Variants in RFTN1 observed in about 807,000 individuals in gnomAD.
RFTN1 encodes the protein raftlin.
Under a neutral mutation model 46.5 loss-of-function variants are expected in RFTN1, and 26 were observed. That is an observed-to-expected ratio of 0.56 (90% CI 0.41 to 0.78). The LOEUF (loss-of-function observed/expected upper bound fraction) is 0.78. RFTN1 is among the 30% of genes least tolerant of loss of function. The pLI is 0.00. For synonymous variants in RFTN1, 261 were observed against 284.2 expected (o/e 0.92, Z 0.82); for missense variants, 693 against 718.7 (o/e 0.96, Z 0.41).
chr3:16,476,233 C>A (rs2076280041), intron 2 of RFTN1, among the ~76,000 whole-genome samples: 1 of 152,170 alleles, frequency 6.6e-6, no homozygotes, highest in Non-Finnish European at 1.5e-5. Context: ...GTCAATATAC[C>A]TTTACAGAAA....
At position 16,452,083 on chromosome 3, in the gene RFTN1, T is replaced by C. The variant is rs1211816468; in HGVS notation, c.146-18046A>G. Among the ~76,000 whole-genome samples, 1 of 152,222 alleles carries C rather than the reference T, an allele frequency of 6.6e-6. No individual in the cohort carries two copies. The highest frequency in any genetic ancestry group is 1.5e-5 in the Non-Finnish European group (1 of 68,046). ...AGCAGGATGGCACGAGATTTCACCA[T>C]GCTACTCAGAATAGTGAGTAATTGA... On this transcript the variant is annotated intron_variant, in intron 2 of 9. Coordinates refer to ENST00000334133, the MANE Select transcript of RFTN1 (RefSeq NM_015150.2). This position sits in a 1 kb window ranked among gnomAD's most constrained non-coding sequence, Gnocchi z 6.3.
At chr3:16,439,529 A>G (rs971678866) in intron 2 of RFTN1, among the ~76,000 whole-genome samples, 2 of 152,250 alleles carry the variant, frequency 1.3e-5, no homozygotes, top group African/African-American at 2.4e-5. Flanking sequence ...AAATGCAATA[A>G]TTTTATTATT....
At chr3:16,391,869 G>GTTTTTTTTT (rs576052890) in intron 4 of RFTN1, among the ~76,000 whole-genome samples, 3 of 57,782 alleles carry the variant, frequency 5.2e-5, no homozygotes, top group South Asian at 8.8e-4. Context: ...TTTTTTTTTT[G>GTTTTTTTTT]TTTTTTTTTT....
In RFTN1 at chr3:16,509,779, C is replaced by G. The variant is rs186711249; in HGVS notation, c.-9+3663G>C. ...TCACCCAGATGGGTATCACGAGTCA[C>G]GAAATCACTCAGCCAATGTTTACTG... On this transcript the variant is annotated intron_variant, in intron 1 of 9. Coordinates refer to ENST00000334133, the MANE Select transcript of RFTN1 (RefSeq NM_015150.2). The surrounding 1 kb of genome is among the most constrained non-coding windows in gnomAD (Gnocchi z 4.9). 5.3e-4 allele frequency among the ~76,000 whole-genome samples: 80 copies of G among 152,256 alleles called. No individual in the cohort carries two copies. Among genetic ancestry groups the G allele is most frequent in the African/African-American group, 1.9e-3 (77 of 41,538 alleles).
At chr3:16,430,092 A>C (rs1369505443) in intron 3 of RFTN1, among the ~76,000 whole-genome samples, 1 of 151,346 alleles carries the variant, frequency 6.6e-6, no homozygotes, top group Non-Finnish European at 1.5e-5. Context: ...CCTATTGATA[A>C]AGAAAAAGTC....
In RFTN1 at chr3:16,468,531, T is replaced by C. The variant is rs940892905; in HGVS notation, c.145+25194A>G. Among the ~76,000 whole-genome samples, 1 of 151,840 alleles carries C rather than the reference T, an allele frequency of 6.6e-6. No homozygotes were observed. Among genetic ancestry groups the C allele is most frequent in the African/African-American group, 2.4e-5 (1 of 41,314 alleles). ...AAGATGCCTTTTCATATCTTTGCTA[T>C]CTTTAGATTAGATGCTTAATGCATA... On this transcript the variant is annotated intron_variant, in intron 2 of 9. Transcript: ENST00000334133. The surrounding 1 kb of genome is among the most constrained non-coding windows in gnomAD (Gnocchi z 4.4).
At chr3:16,463,179 T>G (rs887627317) in intron 2 of RFTN1, among the ~76,000 whole-genome samples, 1 of 152,246 alleles carries the variant, frequency 6.6e-6, no homozygotes, top group African/African-American at 2.4e-5. Context: ...CTTGAATCTA[T>G]GGGTTGATCT....
chr3:16,408,377 A>G (rs1207403724), intron 4 of RFTN1, among the ~76,000 whole-genome samples: 1 of 152,082 alleles, frequency 6.6e-6, no homozygotes, highest in Non-Finnish European at 1.5e-5. Context: ...TCCTGGCTCA[A>G]AGCTGACAGC....
In RFTN1 at chr3:16,412,972, C is replaced by T. The variant is rs1022673927; in HGVS notation, c.333-3489G>A. 1.2e-4 allele frequency among the ~76,000 whole-genome samples: 19 copies of T among 152,310 alleles called. No individual in the cohort carries two copies. The South Asian group carries it at 2.1e-3, about 17-fold the overall frequency. On this transcript the variant is annotated intron_variant, in intron 3 of 9. Transcript: ENST00000334133. ...CTGATGAGACTGCAGCCTGAGCCAA[C>T]ACTGATATTACAGCCTGATAAAATT...
At chr3:16,486,499 T>G (rs1318784007) in intron 2 of RFTN1, among the ~76,000 whole-genome samples, 1 of 152,244 alleles carries the variant, frequency 6.6e-6, no homozygotes, top group East Asian at 1.9e-4. Context: ...CTCCGTGTTT[T>G]GATCCCTCCC....
rs779052661 is a variant in RFTN1, at chr3:16,506,073, T to C, written c.-9+7369A>G. ...TACACAAAATCCCATTTTTAAAGTA[T>C]GCCAACTAGAAAACAACAATGCAGG... On this transcript the variant is annotated intron_variant, in intron 1 of 9. Coordinates refer to ENST00000334133, the MANE Select transcript of RFTN1 (RefSeq NM_015150.2). This position sits in a 1 kb window ranked among gnomAD's most constrained non-coding sequence, Gnocchi z 4.8. Among the ~76,000 whole-genome samples the C allele has an allele frequency of 1.1e-4, 17 of 152,206 alleles. No homozygotes were observed. Among genetic ancestry groups the C allele is most frequent in the South Asian group, 2.1e-4 (1 of 4,830 alleles).
intron 2 of RFTN1, among the ~76,000 whole-genome samples, chr3:16,491,003 C>T (rs541613096): frequency 1.3e-5 from 2 of 152,208 alleles, no homozygotes; most frequent in African/African-American, 4.8e-5. Context: ...AGAGAAAATC[C>T]CTGCACTCAT....
intron 5 of RFTN1, among the ~76,000 whole-genome samples, chr3:16,372,083 G>A (rs1279635927): frequency 6.6e-6 from 1 of 152,114 alleles, no homozygotes; most frequent in Non-Finnish European, 1.5e-5. Flanking sequence ...TGAGTTCTTG[G>A]GTTTATTTGG....
intron 4 of RFTN1, among the ~76,000 whole-genome samples, chr3:16,403,716 TAATA>T (rs1482922390): frequency 1.4e-4 from 4 of 28,348 alleles, no homozygotes; most frequent in Admixed American, 7.2e-4. Context: ...ATATAATATA[TAATA>T]TATATATTAT....
rs567775122 is a variant in RFTN1, at chr3:16,374,868, C to A, written c.826+2850G>T. Among the ~76,000 whole-genome samples the A allele has an allele frequency of 1.3e-5, 2 of 152,288 alleles. No homozygotes were observed. Among genetic ancestry groups the A allele is most frequent in the East Asian group, 3.9e-4 (2 of 5,170 alleles). On this transcript the variant is annotated intron_variant, in intron 5 of 9. Coordinates refer to ENST00000334133, the MANE Select transcript of RFTN1 (RefSeq NM_015150.2). The surrounding 1 kb of genome is among the most constrained non-coding windows in gnomAD (Gnocchi z 5.4). ...ACCCACGGCGGGCCTCCCCAAGAACCTGCAGGGGCAAGGAGGCGTGACGGC... is the reference window on the plus strand; with the variant it reads ...ACCCACGGCGGGCCTCCCCAAGAACATGCAGGGGCAAGGAGGCGTGACGGC...
At position 16,323,634 on chromosome 3, in the gene RFTN1, G is replaced by C. The variant is rs1384789222; in HGVS notation, c.1251-177C>G. 2.0e-5 allele frequency among the ~76,000 whole-genome samples: 3 copies of C among 152,110 alleles called. No homozygotes were observed. The East Asian group carries it at 5.8e-4, about 29-fold the overall frequency. ...AGGCCATCCAACCTTGCTTCCGAGGGGCTATCTCAGATGCCCAACAAAAGC... is the reference window on the plus strand; with the variant it reads ...AGGCCATCCAACCTTGCTTCCGAGGCGCTATCTCAGATGCCCAACAAAAGC... On this transcript the variant is annotated intron_variant, in intron 8 of 9. Transcript: ENST00000334133.
At chr3:16,455,458 A>G (rs867501739) in intron 2 of RFTN1, among the ~76,000 whole-genome samples, 27 of 152,210 alleles carry the variant, frequency 1.8e-4, no homozygotes, top group South Asian at 4.1e-4. Flanking sequence ...ACAAGCATGC[A>G]AATTAACACT....
chr3:16,358,931 C>T (rs937460728), intron 6 of RFTN1, among the ~76,000 whole-genome samples: 12 of 149,440 alleles, frequency 8.0e-5, no homozygotes, highest in African/African-American at 3.0e-4. Flanking sequence ...ACTTGGGAGG[C>T]TGAGGCAGGA....
rs1169852964 is a variant in RFTN1 at position 16,322,191 on chromosome 3, G to C, written c.1332+1185C>G. On this transcript the variant is annotated intron_variant, in intron 9 of 9. Transcript: ENST00000334133. This position sits in a 1 kb window ranked among gnomAD's most constrained non-coding sequence, Gnocchi z 6.2. ...GCCTGCTCCTGGTGGTTGATGGTGG[G>C]CTGGCAGTTCCCTTCTGGTCCATTG... Among the ~76,000 whole-genome samples, 1 of 152,198 alleles carries C rather than the reference G, an allele frequency of 6.6e-6. No individual in the cohort carries two copies. Among genetic ancestry groups the C allele is most frequent in the African/African-American group, 2.4e-5 (1 of 41,450 alleles).
Sources: gnomAD v4.1 joint callset for allele counts (sites outside exome capture counted in the v4.1 genomes callset) on GRCh38, gnomAD v4.1.1 for gene constraint, Gnocchi (gnomAD v3.1) non-coding constraint, MANE v1.5 for transcripts, NCBI Gene and HGNC (gene_info 2026-07-23, HGNC 2026-07-21) for gene names.